ITPK1: variants seen among roughly 807,000 people sequenced by gnomAD.
ITPK1 encodes inositol 1,3,4-trisphosphate 5/6-kinase.
ITPK1 carries 21 observed loss-of-function variants against 45.3 expected under a neutral mutation model. The observed-to-expected ratio is 0.46, with a 90% CI of 0.33 to 0.67. The LOEUF (loss-of-function observed/expected upper bound fraction) is 0.67, where lower values mean the gene tolerates loss of function less well. Ranked by LOEUF, ITPK1 falls within the 30% of genes least tolerant of loss-of-function variation. ITPK1 has a pLI of 0.02. For missense variants in ITPK1, 474 were observed against 573.5 expected, an observed-to-expected ratio of 0.83 and a Z score of 1.77; for synonymous variants, 258 against 253.6, an observed-to-expected ratio of 1.02 and a Z score of -0.16.
chr14:93,073,794 T>C (rs1281992200), intron 3 of ITPK1, among the ~76,000 whole-genome samples: 2 of 151,948 alleles, frequency 1.3e-5, no homozygotes, highest in Non-Finnish European at 2.9e-5. Context: ...CCAGCTGAAA[T>C]CCCCAAGAGA....
intron 3 of ITPK1, among the ~76,000 whole-genome samples, chr14:93,020,918 C>T (rs112009490): frequency 0.013 from 1,982 of 152,198 alleles, 47 homozygotes; most frequent in African/African-American, 0.045. Flanking sequence ...TCAATTCTCA[C>T]AATAGTCTGA....
At chr14:92,941,951 G>T in intron 10 of ITPK1, 47 bp from the exon 11 acceptor site, 1 of 1,536,446 alleles carries the variant, frequency 6.5e-7, no homozygotes, top group Non-Finnish European at 8.9e-7. Flanking sequence ...CCAGGGGCAC[G>T]CATCATGCAG....
intron 2 of ITPK1, among the ~76,000 whole-genome samples, chr14:93,113,992 G>A (rs1394906645): frequency 6.6e-6 from 1 of 152,226 alleles, no homozygotes; most frequent in African/African-American, 2.4e-5. Context: ...GGGCCCCCAG[G>A]AGCACCAGGG....
chr14:92,969,732 C>T (rs541364827), intron 5 of ITPK1, among the ~76,000 whole-genome samples: 42 of 152,202 alleles, frequency 2.8e-4, no homozygotes, highest in Admixed American at 5.2e-4. Flanking sequence ...GCCCGGGAGG[C>T]TATTTCTGGT....
At chr14:92,976,131 T>A (rs1209523697) in intron 5 of ITPK1, among the ~76,000 whole-genome samples, 1 of 152,226 alleles carries the variant, frequency 6.6e-6, no homozygotes, top group Non-Finnish European at 1.5e-5. Context: ...CTTGGGTATG[T>A]CCTTATAGCA....
chr14:92,951,237 C>A (rs553660029), intron 9 of ITPK1, among the ~76,000 whole-genome samples: 1 of 152,226 alleles, frequency 6.6e-6, no homozygotes, highest in Non-Finnish European at 1.5e-5. Flanking sequence ...CAGAGGGTAG[C>A]CTTTCCTAAA....
intron 3 of ITPK1, among the ~76,000 whole-genome samples, chr14:93,035,831 T>A (rs1889293475): frequency 6.6e-6 from 1 of 152,058 alleles, no homozygotes; most frequent in Non-Finnish European, 1.5e-5. Context: ...GCCTCCTGCT[T>A]CAGTTACTGG....
intron 5 of ITPK1, among the ~76,000 whole-genome samples, chr14:92,974,824 G>C (rs892480419): frequency 3.9e-5 from 6 of 152,362 alleles, no homozygotes; most frequent in African/African-American, 1.4e-4. Context: ...AGCAGGACTG[G>C]GTGCTGCCCA....
intron 5 of ITPK1, among the ~76,000 whole-genome samples, chr14:92,989,960 ACCC>A (rs1886698073): frequency 6.6e-6 from 1 of 152,088 alleles, no homozygotes; most frequent in African/African-American, 2.4e-5. Flanking sequence ...CCGAGGCCAA[ACCC>A]CCAGCCAGAG....
intron 4 of ITPK1, among the ~76,000 whole-genome samples, chr14:93,015,911 C>T (rs868434928): frequency 2.0e-5 from 3 of 152,210 alleles, no homozygotes; most frequent in Admixed American, 6.5e-5. Flanking sequence ...GCCTGTCACA[C>T]GCTAGAAACC....
chr14:93,091,466 TTCTC>T (rs1381382725), intron 2 of ITPK1, among the ~76,000 whole-genome samples: 4 of 152,266 alleles, frequency 2.6e-5, no homozygotes. Flanking sequence ...TCATTCTTCA[TTCTC>T]TCTTTTTAAT....
At chr14:93,025,460 T>C (rs1173479568) in intron 3 of ITPK1, among the ~76,000 whole-genome samples, 1 of 152,242 alleles carries the variant, frequency 6.6e-6, no homozygotes, top group Admixed American at 6.5e-5. Flanking sequence ...TCTCAACTAT[T>C]TTTACATTTT....
chr14:92,974,330 T>C (rs1452947032), intron 5 of ITPK1, among the ~76,000 whole-genome samples: 1 of 152,140 alleles, frequency 6.6e-6, no homozygotes, highest in African/African-American at 2.4e-5. Context: ...TGGAATGACA[T>C]GTTGTGTTTT....
intron 5 of ITPK1, among the ~76,000 whole-genome samples, chr14:92,970,371 G>A (rs903953245): frequency 1.3e-5 from 2 of 152,214 alleles, no homozygotes; most frequent in Non-Finnish European, 2.9e-5. Context: ...GGCACCCAGC[G>A]GGGGATGCCC....
chr14:93,074,096 G>C (rs1167447881), intron 3 of ITPK1, among the ~76,000 whole-genome samples: 3 of 152,222 alleles, frequency 2.0e-5, no homozygotes, highest in African/African-American at 7.2e-5. Flanking sequence ...TTTTTGCAGA[G>C]TCTTTCTCAA....
At chr14:93,019,129 G>A (rs960386448) in intron 3 of ITPK1, among the ~76,000 whole-genome samples, 11 of 152,190 alleles carry the variant, frequency 7.2e-5, no homozygotes, top group Admixed American at 3.3e-4. Flanking sequence ...CTGTGGCTTC[G>A]GTGGGTCAGG....
chr14:92,993,292 T>C (rs1886883261), intron 5 of ITPK1, among the ~76,000 whole-genome samples: 1 of 152,230 alleles, frequency 6.6e-6, no homozygotes, highest in African/African-American at 2.4e-5. Flanking sequence ...AAAGTCTTTC[T>C]CACATAAACA....
chr14:93,102,986 G>C (rs1000887353), intron 2 of ITPK1, among the ~76,000 whole-genome samples: 2 of 151,420 alleles, frequency 1.3e-5, no homozygotes, highest in African/African-American at 4.9e-5. Flanking sequence ...TGTAGTCCCA[G>C]CTACTCGGGA....
intron 5 of ITPK1, among the ~76,000 whole-genome samples, chr14:92,968,893 T>G (rs1271202547): frequency 6.6e-6 from 1 of 152,146 alleles, no homozygotes; most frequent in East Asian, 1.9e-4. Flanking sequence ...TATTCCAAGC[T>G]TGGGCACCAG....
Sources: gnomAD v4.1 joint callset for allele counts (sites outside exome capture counted in the v4.1 genomes callset) on GRCh38, gnomAD v4.1.1 for gene constraint, MANE v1.5 for transcripts, NCBI Gene and HGNC (gene_info 2026-07-23, HGNC 2026-07-21) for gene names.